The following RNF32 variants were observed in gnomAD, a reference collection of about 807,000 sequenced individuals.
RNF32 encodes ring finger protein 32.
Under a neutral mutation model 41.0 loss-of-function variants are expected in RNF32, and 36 were observed. That is an observed-to-expected ratio of 0.88 (90% CI 0.67 to 1.16). RNF32 has a LOEUF of 1.16. RNF32 is among the 50% of genes most tolerant of loss of function. The probability of loss-of-function intolerance (pLI) is 0.00; values close to 1 mark genes in which losing one functional copy is unlikely to be tolerated. For synonymous variants in RNF32, 154 were observed against 160.9 expected, an observed-to-expected ratio of 0.96 and a Z score of 0.32; for missense variants, 413 against 436.7, an observed-to-expected ratio of 0.95 and a Z score of 0.48.
chr7:156,655,420 G>A (rs895497926), intron 4 of RNF32, among the ~76,000 whole-genome samples: 7 of 152,198 alleles, frequency 4.6e-5, no homozygotes, highest in African/African-American at 1.7e-4. Flanking sequence ...GTGCACGTGC[G>A]TGCGTGGTTG....
At chr7:156,666,492 G>A (rs1585078534) in intron 7 of RNF32, among the ~76,000 whole-genome samples, 1 of 152,164 alleles carries the variant, frequency 6.6e-6, no homozygotes, top group Non-Finnish European at 1.5e-5. Context: ...CAGTGATGTC[G>A]TGCTACAATG....
intron 7 of RNF32, among the ~76,000 whole-genome samples, chr7:156,673,096 G>A (rs1479319117): frequency 6.6e-6 from 1 of 152,174 alleles, no homozygotes; most frequent in Non-Finnish European, 1.5e-5. Context: ...AGATCATATC[G>A]ATCATTTCAT....
chr7:156,670,342 AG>A lies in RNF32; in HGVS notation c.685-5348del, dbSNP rs1333297613. The stretch of plus-strand genomic sequence containing the variant: ...AGCTCACTGAGGAGTCAGGTCTGCA[AG>A]GGGGGCCCTGCGTTTTGCATCCCCT... On this transcript the variant is annotated intron_variant, in intron 7 of 8. Transcript: ENST00000317955. This position sits in a 1 kb window ranked among gnomAD's most constrained non-coding sequence, Gnocchi z 4.3. Among the ~76,000 whole-genome samples the A allele has an allele frequency of 1.3e-5, 2 of 152,182 alleles. No homozygotes were observed. Among genetic ancestry groups the A allele is most frequent in the Non-Finnish European group, 2.9e-5 (2 of 68,026 alleles).
Position 156,669,454 on chromosome 7 carries a change from C to A in RNF32, c.685-6242C>A, listed in dbSNP as rs73744306. ...GCACCCTGAACCCAAATGGAGGAACCGTGCCGTTCCCTGGAACCTCTGTCC... is the reference window on the plus strand; with the variant it reads ...GCACCCTGAACCCAAATGGAGGAACAGTGCCGTTCCCTGGAACCTCTGTCC... On this transcript the variant is annotated intron_variant, in intron 7 of 8. Coordinates refer to ENST00000317955, the MANE Select transcript of RNF32 (RefSeq NM_030936.4). This position sits in a 1 kb window ranked among gnomAD's most constrained non-coding sequence, Gnocchi z 4.2. Among the ~76,000 whole-genome samples the A allele has an allele frequency of 6.6e-6, 1 of 152,100 alleles. No individual in the cohort carries two copies.
chr7:156,667,894 T>C (rs1216310468), intron 7 of RNF32, among the ~76,000 whole-genome samples: 2 of 152,208 alleles, frequency 1.3e-5, no homozygotes, highest in Admixed American at 1.3e-4. Context: ...CTAATGTCAA[T>C]GTTATGATTA....
intron 3 of RNF32, among the ~76,000 whole-genome samples, chr7:156,652,539 T>C (rs1258307983): frequency 6.6e-6 from 1 of 152,166 alleles, no homozygotes; most frequent in African/African-American, 2.4e-5. Flanking sequence ...ACGTGCCACA[T>C]AGCAATGTTT....
chr7:156,644,572 A>G lies in RNF32; in HGVS notation c.89A>G (p.Gln30Arg). ...ALQDHILHDL[Q>R]LRNLSVADHS... The stretch of plus-strand genomic sequence containing the variant: ...CAAGATCACATTTTACATGATCTTC[A>G]ACTTCGAAATCTTTCAGTTGCAGAT... The change falls in exon 3 of 9, where the codon CAA becomes CGA. Residue 30 changes from glutamine to arginine, a missense_variant. Coordinates refer to ENST00000317955, the MANE Select transcript of RNF32 (RefSeq NM_030936.4). 1 of 1,612,920 alleles carries G rather than the reference A, an allele frequency of 6.2e-7. No individual in the cohort carries two copies.
chr7:156,651,250 G>A (rs1299366432), intron 3 of RNF32, among the ~76,000 whole-genome samples: 2 of 141,474 alleles, frequency 1.4e-5, no homozygotes, highest in Non-Finnish European at 3.0e-5. Context: ...GTCTTGCTCT[G>A]ATGCCCAGGC....
chr7:156,644,005 G>C (rs1313694181), intron 2 of RNF32, 113 bp downstream of exon 2: 5 of 930,302 alleles, frequency 5.4e-6, no homozygotes, highest in Non-Finnish European at 8.6e-6. Flanking sequence ...ACTAGGAATT[G>C]TCAGCAGGAA....
intron 7 of RNF32, among the ~76,000 whole-genome samples, chr7:156,671,693 C>T (rs921796320): frequency 6.6e-6 from 1 of 152,156 alleles, no homozygotes; most frequent in Admixed American, 6.5e-5. Flanking sequence ...CTCATGAGCA[C>T]AGTCCCCAAC....
chr7:156,659,640 T>C (rs1800303405), intron 7 of RNF32: 1 of 926,620 alleles, frequency 1.1e-6, no homozygotes, highest in Middle Eastern at 5.6e-4. Context: ...ATATTTTTCA[T>C]GTGCACACAT....
intron 3 of RNF32, among the ~76,000 whole-genome samples, chr7:156,645,881 A>G (rs1277167381): frequency 6.6e-6 from 1 of 152,254 alleles, no homozygotes; most frequent in African/African-American, 2.4e-5. Context: ...GCTGCCTGAA[A>G]TATCTCTGTA....
At chr7:156,658,064 G>T in intron 5 of RNF32, 64 bp from the exon 6 acceptor site, 1 of 1,473,538 alleles carries the variant, frequency 6.8e-7, no homozygotes, top group Non-Finnish European at 9.4e-7. Context: ...CACTAACATT[G>T]GAAGTAAAAA....
intron 3 of RNF32, chr7:156,646,487 A>G (rs1203039172): frequency 1.5e-6 from 2 of 1,299,954 alleles, no homozygotes; most frequent in African/African-American, 3.0e-5. Context: ...CCAACTTTAA[A>G]CCAGTATGAC....
chr7:156,661,053 G>A (rs749732353), intron 7 of RNF32, among the ~76,000 whole-genome samples: 98 of 152,310 alleles, frequency 6.4e-4, no homozygotes, highest in African/African-American at 1.6e-3. Flanking sequence ...AGGATGCTGC[G>A]CAGCAAGACT....
rs73163981 is a variant in RNF32, at chr7:156,676,247, A to G, written c.853-172A>G. The G allele has an allele frequency of 2.3e-4, 275 of 1,182,252 alleles. 5 individuals carry two copies. The highest frequency in any genetic ancestry group is 1.3e-3 in the Middle Eastern group (6 of 4,452). The allele number at this position is 1,182,252 out of a possible 1,614,324, so 73.2% of individuals were successfully genotyped here. ...GGAGTAACAGAGTATATGTGTGTGT[A>G]TATATATATGTATATATATAAATAA... On this transcript the variant is annotated intron_variant, in intron 8 of 8. Coordinates refer to ENST00000317955, the MANE Select transcript of RNF32 (RefSeq NM_030936.4).
chr7:156,652,926 T>C (rs543820454), intron 3 of RNF32, among the ~76,000 whole-genome samples: 2 of 128,042 alleles, frequency 1.6e-5, no homozygotes, highest in South Asian at 2.3e-4. Flanking sequence ...CTAAATGTTA[T>C]TGTAAAAAAT....
At chr7:156,668,673 G>A (rs147918308) in intron 7 of RNF32, among the ~76,000 whole-genome samples, 19 of 152,340 alleles carry the variant, frequency 1.2e-4, no homozygotes, top group Non-Finnish European at 2.4e-4. Context: ...TGCCACAGCA[G>A]CACGCTTTCC....
rs2131636895 is a variant in RNF32 at position 156,670,528 on chromosome 7, A to G, written c.685-5168A>G. Reference sequence around the variant, plus strand: ...GATCTGAAGAAGATACAAGCCACAGATTTAAGAAGCCCAAGGAAGCCCAAT... The same window carrying G: ...GATCTGAAGAAGATACAAGCCACAGGTTTAAGAAGCCCAAGGAAGCCCAAT... On this transcript the variant is annotated intron_variant, in intron 7 of 8. Coordinates refer to ENST00000317955, the MANE Select transcript of RNF32 (RefSeq NM_030936.4). The surrounding 1 kb of genome is among the most constrained non-coding windows in gnomAD (Gnocchi z 4.3). Among the ~76,000 whole-genome samples the G allele has an allele frequency of 6.6e-6, 1 of 152,366 alleles. No homozygotes were observed.
Sources: gnomAD v4.1 joint callset for allele counts (sites outside exome capture counted in the v4.1 genomes callset) on GRCh38, gnomAD v4.1.1 for gene constraint, Gnocchi (gnomAD v3.1) non-coding constraint, MANE v1.5 for transcripts, NCBI Gene and HGNC (gene_info 2026-07-23, HGNC 2026-07-21) for gene names.